The following FAM185A variants were observed in gnomAD, a reference collection of about 807,000 sequenced individuals.
FAM185A encodes the protein protein FAM185A.
Under a neutral mutation model 45.7 loss-of-function variants are expected in FAM185A, and 21 were observed. The observed-to-expected ratio is 0.46, with a 90% confidence interval of 0.33 to 0.66. The LOEUF is 0.66. Among genes scored for constraint, FAM185A ranks in the 30% least tolerant of loss-of-function variants. The pLI, the probability that FAM185A is intolerant of heterozygous loss-of-function variation, is 0.03. For synonymous variants in FAM185A, 117 were observed against 194.0 expected, an observed-to-expected ratio of 0.60 and a Z score of 3.30; for missense variants, 305 against 485.4, an observed-to-expected ratio of 0.63 and a Z score of 3.49.
At chr7:102,779,577 T>C (rs1377207275) in intron 6 of FAM185A, 1 of 152,222 alleles carries the variant, frequency 6.6e-6, no homozygotes, top group Non-Finnish European at 1.5e-5. Flanking sequence ...GTGTCTTCTA[T>C]TTATCCTGAA....
chr7:102,844,515 G>GT, the FAM185A span, among the ~76,000 whole-genome samples: 6 of 152,256 alleles, frequency 3.9e-5, no homozygotes, highest in East Asian at 9.6e-4. Flanking sequence ...AAAGACTGTC[G>GT]TAAGAGTGGA....
rs1349280622 is a variant in FAM185A, at chr7:102,749,066, A to G, written c.-142A>G. 2 of 1,318,128 alleles carry G rather than the reference A, an allele frequency of 1.5e-6. No homozygotes were observed. The highest frequency in any genetic ancestry group is 2.0e-5 in the Admixed American group (1 of 50,756). 81.7% of individuals were successfully genotyped at this position (1,318,128 alleles called of 1,614,324 possible). On this transcript the variant is annotated 5_prime_UTR_variant, in exon 1 of 8. Transcript: ENST00000413034. ...GATGTTTAGAACGCCTAGTCAAGCCAACCGGCTCGCTCTTGTTTCAGCAAA... is the reference window on the plus strand; with the variant it reads ...GATGTTTAGAACGCCTAGTCAAGCCGACCGGCTCGCTCTTGTTTCAGCAAA...
At chr7:102,835,565 T>C in the FAM185A span, among the ~76,000 whole-genome samples, 2 of 149,988 alleles carry the variant, frequency 1.3e-5, no homozygotes, top group African/African-American at 4.9e-5. Context: ...CTTTTAATAA[T>C]ACAAGAATTT....
chr7:102,785,187 A>C (rs1172965468), intron 6 of FAM185A, among the ~76,000 whole-genome samples: 8 of 151,988 alleles, frequency 5.3e-5, no homozygotes, highest in African/African-American at 1.9e-4. Context: ...AGAGGATACA[A>C]ACAAATGGAA....
At chr7:102,803,312 A>G (rs935559638) in intron 7 of FAM185A, among the ~76,000 whole-genome samples, 1 of 152,188 alleles carries the variant, frequency 6.6e-6, no homozygotes, top group South Asian at 2.1e-4. Context: ...ATCCAACAAC[A>G]TATCAAAAAG....
chr7:102,791,524 T>C (rs1216540101), intron 7 of FAM185A, among the ~76,000 whole-genome samples: 1 of 152,246 alleles, frequency 6.6e-6, no homozygotes, highest in African/African-American at 2.4e-5. Context: ...CTTGTTATTA[T>C]GGCTTATACT....
intron 3 of FAM185A, among the ~76,000 whole-genome samples, chr7:102,758,837 A>T (rs935693115): frequency 6.8e-6 from 1 of 146,556 alleles, no homozygotes; most frequent in African/African-American, 2.5e-5. Flanking sequence ...CCTTCCTACA[A>T]ATTTGCTATA....
At chr7:102,813,246 A>C, downstream of FAM185A, 1 of 1,117,718 alleles carries the variant, frequency 8.9e-7, no homozygotes, top group East Asian at 2.4e-5. Context: ...GCTTGTTTAC[A>C]TTGTTATTGA....
Position 102,809,070 on chromosome 7 carries a change from C to A in FAM185A, c.*668C>A, listed in dbSNP as rs965667773. ...ATCACATTCAGTTTTCACTCCCACT[C>A]AAGGAAAGGAGATTATACAAAGGCA... On this transcript the variant is annotated 3_prime_UTR_variant, in exon 8 of 8. Transcript: ENST00000413034. 4 of 152,226 alleles carry A rather than the reference C, an allele frequency of 2.6e-5. No individual in the cohort carries two copies. The highest frequency in any genetic ancestry group is 9.7e-5 in the African/African-American group (4 of 41,450). 9.4% of individuals were successfully genotyped at this position (152,226 alleles called of 1,614,324 possible). A position where few individuals can be genotyped will look rare whatever the true frequency, so the allele number is the denominator to read the frequency against.
intron 7 of FAM185A, among the ~76,000 whole-genome samples, chr7:102,805,575 T>G (rs1021311037): frequency 6.6e-6 from 1 of 152,036 alleles, no homozygotes; most frequent in Non-Finnish European, 1.5e-5. Context: ...ACAAATAGGA[T>G]GCAGTGTATA....
rs1256741977 is a variant in FAM185A, at chr7:102,755,347, T to C, written c.562-2507T>C. On this transcript the variant is annotated intron_variant, in intron 2 of 7. Coordinates refer to ENST00000413034, the MANE Select transcript of FAM185A (RefSeq NM_001145268.2). ...CTATATCAGGTTGCAATGGCAGAGA[T>C]CCATACTCTATAAGCAGCTGAAAGT... is the stretch of plus-strand genomic sequence containing the variant. 98 of 578,696 alleles carry C rather than the reference T, an allele frequency of 1.7e-4. 1 individual carries two copies. Among genetic ancestry groups the C allele is most frequent in the Non-Finnish European group, 1.9e-4 (62 of 326,398 alleles). 35.8% of individuals were successfully genotyped at this position (578,696 alleles called of 1,614,324 possible).
At chr7:102,765,447 G>A (rs1794329541) in intron 4 of FAM185A, among the ~76,000 whole-genome samples, 1 of 151,944 alleles carries the variant, frequency 6.6e-6, no homozygotes, top group African/African-American at 2.4e-5. Context: ...AAGGAAACAA[G>A]AGCATGAAAT....
intron 7 of FAM185A, among the ~76,000 whole-genome samples, chr7:102,802,991 T>A (rs1438133106): frequency 1.3e-5 from 2 of 152,028 alleles, no homozygotes; most frequent in African/African-American, 4.8e-5. Flanking sequence ...CAGGAAGAAT[T>A]AGATACCCTG....
the FAM185A span, among the ~76,000 whole-genome samples, chr7:102,819,431 A>G: frequency 6.6e-6 from 1 of 152,154 alleles, no homozygotes; most frequent in Non-Finnish European, 1.5e-5. Flanking sequence ...GGCTACAGCC[A>G]ATTTGCTCAT....
chr7:102,783,732 G>A (rs867998666), intron 6 of FAM185A, among the ~76,000 whole-genome samples: 3 of 152,014 alleles, frequency 2.0e-5, no homozygotes, highest in Middle Eastern at 3.2e-3. Flanking sequence ...GAGAAAGCAG[G>A]AAAGATCTAA....
chr7:102,803,820 A>G (rs1342834856), intron 7 of FAM185A, among the ~76,000 whole-genome samples: 1 of 152,234 alleles, frequency 6.6e-6, no homozygotes, highest in Non-Finnish European at 1.5e-5. Flanking sequence ...AACTGATAAA[A>G]GGATTCAACA....
intron 3 of FAM185A, among the ~76,000 whole-genome samples, chr7:102,760,445 T>A (rs1271582324): frequency 6.6e-6 from 1 of 152,058 alleles, no homozygotes; most frequent in African/African-American, 2.4e-5. Flanking sequence ...CACTAATTAA[T>A]GTACTAAAAG....
the FAM185A span, among the ~76,000 whole-genome samples, chr7:102,850,266 A>G: frequency 1.3e-5 from 2 of 152,190 alleles, no homozygotes; most frequent in Non-Finnish European, 2.9e-5. Flanking sequence ...GAATCAAAAA[A>G]GAATGACAGA....
chr7:102,818,485 C>T, the FAM185A span, among the ~76,000 whole-genome samples: 7 of 152,272 alleles, frequency 4.6e-5, no homozygotes, highest in African/African-American at 1.7e-4. Context: ...ATTATTTGTT[C>T]ATACTGATAA....
Sources: gnomAD v4.1 joint callset for allele counts (sites outside exome capture counted in the v4.1 genomes callset) on GRCh38, gnomAD v4.1.1 for gene constraint, MANE v1.5 for transcripts, NCBI Gene and HGNC (gene_info 2026-07-23, HGNC 2026-07-21) for gene names.